Variants in PRAG1 observed in about 807,000 individuals in gnomAD.
PRAG1 encodes the protein PEAK1 related, kinase-activating pseudokinase 1, also known as inactive tyrosine-protein kinase PRAG1.
A neutral mutation model predicts 95.6 loss-of-function variants in PRAG1; 110 were observed. The ratio of observed to expected loss-of-function variants is 1.15; its 90% CI spans 0.99 to 1.35. The LOEUF is 1.35. PRAG1 is among the 40% of genes most tolerant of loss of function. PRAG1 has a pLI of 0.00. For synonymous variants in PRAG1, 1,052 were observed against 819.4 expected (o/e 1.28, Z -4.85); for missense variants, 2,554 against 1,864.7 (o/e 1.37, Z -6.81).
At chr8:8,381,928 G>A (rs1313557754) in intron 1 of PRAG1, 94 bp from the exon 2 acceptor site, 2 of 551,780 alleles carry the variant, frequency 3.6e-6, no homozygotes, top group Non-Finnish European at 6.3e-6. Flanking sequence ...TCAGGGAGAA[G>A]GAGGAGAAAA....
At chr8:8,335,564 C>G (rs1031702070) in intron 4 of PRAG1, among the ~76,000 whole-genome samples, 1 of 152,010 alleles carries the variant, frequency 6.6e-6, no homozygotes, top group Non-Finnish European at 1.5e-5. Context: ...AAAGTATTGA[C>G]TTTATTGGAA....
intron 2 of PRAG1, 77 bp downstream of exon 2, chr8:8,381,341 C>A: frequency 6.9e-7 from 1 of 1,454,544 alleles, no homozygotes; most frequent in African/African-American, 1.4e-5. Context: ...ACAGCCCTCC[C>A]TGGCTGCCAG....
At chr8:8,339,759 A>C in intron 3 of PRAG1, 124 bp from the exon 4 acceptor site, 1 of 401,154 alleles carries the variant, frequency 2.5e-6, no homozygotes, top group Non-Finnish European at 3.7e-6. Context: ...TTATTAAAAG[A>C]AAAAAAAAAG....
At chr8:8,351,331 G>A (rs2116867614) in intron 3 of PRAG1, among the ~76,000 whole-genome samples, 1 of 152,232 alleles carries the variant, frequency 6.6e-6, no homozygotes, top group Middle Eastern at 3.4e-3. Flanking sequence ...CGCTCCCATG[G>A]TCGAATCACC....
At chr8:8,360,318 TATTTTCATATC>T (rs1585257126) in intron 3 of PRAG1, among the ~76,000 whole-genome samples, 1 of 152,188 alleles carries the variant, frequency 6.6e-6, no homozygotes, top group East Asian at 1.9e-4. Flanking sequence ...TTCTTCTCTT[TATTTTCATATC>T]CACAGCCCCT....
chr8:8,377,424 A>T lies in PRAG1; in HGVS notation c.985T>A (p.Ser329Thr), dbSNP rs747851996. The T allele has an allele frequency of 3.0e-5, 47 of 1,564,744 alleles. No homozygotes were observed. Among genetic ancestry groups the T allele is most frequent in the Non-Finnish European group, 3.9e-5 (45 of 1,156,524 alleles). The change falls in exon 3 of 6, where the codon TCC becomes ACC. Residue 329 changes from serine (S) to threonine (T), a missense_variant. By Grantham distance (58) the Ser-to-Thr change is moderately conservative. Transcript: ENST00000615670. ...GAAATGGCAGCCTCCGAGGTGAGGG[A>T]CAGTTTCTTGGGGCCCAGGCAGGAT... ...HPSCLGPKKL[S>T]LTSEAAISSD... is the part of the protein sequence containing the mutation.
Position 8,381,532 on chromosome 8 carries a change from T to A in PRAG1, c.216A>T (p.Glu72Asp), listed in dbSNP as rs371712560. 1.9e-6 allele frequency: 3 copies of A among 1,614,170 alleles called. No homozygotes were observed. The highest frequency in any genetic ancestry group is 2.5e-6 in the Non-Finnish European group (3 of 1,180,018). ...PRPENCRLED[E>D]GVNSSPYSKP... ...TGGAGTAAGGTGAGCTGTTCACACCTTCATCTTCCAGGCGGCAGTTCTCAG... is the reference window on the plus strand; with the variant it reads ...TGGAGTAAGGTGAGCTGTTCACACCATCATCTTCCAGGCGGCAGTTCTCAG... The change falls in exon 2 of 6, where the codon GAA (glutamate) becomes GAT (aspartate). Residue 72 changes from glutamate to aspartate, a missense_variant. Glu to Asp is a conservative substitution (Grantham distance 45). Coordinates refer to ENST00000615670, the MANE Select transcript of PRAG1 (RefSeq NM_001080826.3).
intron 5 of PRAG1, among the ~76,000 whole-genome samples, chr8:8,324,002 G>A (rs867757): frequency 6.6e-4 from 100 of 152,236 alleles, no homozygotes; most frequent in Admixed American, 1.6e-3. Flanking sequence ...GAATGACAGG[G>A]GCAGGGATAG....
rs779959546 is a variant in PRAG1, at chr8:8,318,663, G to A, written c.3712C>T (p.Arg1238Trp). ...PNLQQKKSQA[R>W]LAPEIVSASQ... Reference sequence around the variant, plus strand: ...GCAGACACGATCTCGGGGGCCAGCCGGGCCTGGCTCTTCTTCTGCTGCAGG... The same window carrying A: ...GCAGACACGATCTCGGGGGCCAGCCAGGCCTGGCTCTTCTTCTGCTGCAGG... The change falls in exon 6 of 6, where the codon CGG (arginine) becomes TGG (tryptophan). Residue 1238 changes from arginine to tryptophan, a missense_variant. Physicochemically the swap from Arg to Trp is moderately radical, Grantham distance 101. Coordinates refer to ENST00000615670, the MANE Select transcript of PRAG1 (RefSeq NM_001080826.3). The surrounding 1 kb of genome is among the most constrained non-coding windows in gnomAD (Gnocchi z 4.2). 1 of 1,611,582 alleles carries A rather than the reference G, an allele frequency of 6.2e-7. No individual in the cohort carries two copies. Among genetic ancestry groups the A allele is most frequent in the Non-Finnish European group, 8.5e-7 (1 of 1,179,782 alleles).
At chr8:8,362,317 C>T (rs1183499956) in intron 3 of PRAG1, among the ~76,000 whole-genome samples, 1 of 152,334 alleles carries the variant, frequency 6.6e-6, no homozygotes, top group South Asian at 2.1e-4. Context: ...TGGCTTGAGA[C>T]CATTCACACA....
intron 3 of PRAG1, among the ~76,000 whole-genome samples, chr8:8,361,366 C>CA (rs1339586190): frequency 1.7e-4 from 26 of 152,268 alleles, no homozygotes; most frequent in Non-Finnish European, 5.9e-5. Context: ...GAGGAAATAA[C>CA]ATGGAAGGGC....
chr8:8,376,784 G>A lies in PRAG1; in HGVS notation c.1625C>T (p.Pro542Leu). The change falls in exon 3 of 6, where the codon CCC becomes CTC. Residue 542 changes from proline (P) to leucine (L), a missense_variant. Transcript: ENST00000615670. ...SASESKPKER[P>L]AIPPKLSKSS... Reference sequence around the variant, plus strand: ...CTTGGACAACTTGGGGGGAATGGCGGGCCTCTCCTTGGGCTTGCTCTCGCT... The same window carrying A: ...CTTGGACAACTTGGGGGGAATGGCGAGCCTCTCCTTGGGCTTGCTCTCGCT... The A allele has an allele frequency of 6.2e-7, 1 of 1,611,052 alleles. No individual in the cohort carries two copies. Among genetic ancestry groups the A allele is most frequent in the Non-Finnish European group, 8.5e-7 (1 of 1,179,896 alleles).
At chr8:8,384,193 C>T (rs1369855685) in intron 1 of PRAG1, among the ~76,000 whole-genome samples, 1 of 152,078 alleles carries the variant, frequency 6.6e-6, no homozygotes, top group Non-Finnish European at 1.5e-5. Context: ...TTCTGCTTGG[C>T]GACTTATTGC....
chr8:8,324,134 TC>T (rs1266275357), intron 5 of PRAG1, among the ~76,000 whole-genome samples: 1 of 152,186 alleles, frequency 6.6e-6, no homozygotes, highest in East Asian at 1.9e-4. Flanking sequence ...TCTTGCCATC[TC>T]GGCTGTAGCC....
intron 3 of PRAG1, among the ~76,000 whole-genome samples, chr8:8,354,199 C>T (rs939556375): frequency 6.6e-6 from 1 of 151,936 alleles, no homozygotes; most frequent in Admixed American, 6.6e-5. Flanking sequence ...TGGATAAATT[C>T]CTAGATTCAA....
rs1464092344 is a variant in PRAG1 at position 8,319,151 on chromosome 8, G to T, written c.3224C>A (p.Ala1075Asp). 1 of 1,605,570 alleles carries T rather than the reference G, an allele frequency of 6.2e-7. No homozygotes were observed. The change falls in exon 6 of 6, where the codon GCC (alanine) becomes GAC (aspartate). Residue 1075 changes from alanine (A) to aspartate (D), a missense_variant. Ala to Asp is a moderately radical substitution (Grantham distance 126). Coordinates refer to ENST00000615670, the MANE Select transcript of PRAG1 (RefSeq NM_001080826.3). ...CTGGGCAGGGGGGTGTGTGGGCAGG[G>T]CAGGCACAGGGTCCTTGGGCGCGTC... ...SPDAPKDPVPALPTHPPAQEQ... is the reference protein window; with the variant it reads ...SPDAPKDPVPDLPTHPPAQEQ...
intron 3 of PRAG1, among the ~76,000 whole-genome samples, chr8:8,360,967 G>A (rs1481389508): frequency 6.6e-6 from 1 of 152,154 alleles, no homozygotes; most frequent in South Asian, 2.1e-4. Context: ...TGCCATAGCG[G>A]CTCTGTGGAT....
At chr8:8,368,329 G>C (rs112341674) in intron 3 of PRAG1, among the ~76,000 whole-genome samples, 22 of 152,312 alleles carry the variant, frequency 1.4e-4, no homozygotes, top group African/African-American at 5.1e-4. Context: ...TCAGACTGAA[G>C]CTAATTAAAG....
At chr8:8,327,576 A>G in intron 5 of PRAG1, 134 bp downstream of exon 5, 1 of 1,048,116 alleles carries the variant, frequency 9.5e-7, no homozygotes, top group Non-Finnish European at 1.3e-6. Flanking sequence ...ATCTTACAAG[A>G]AAAAAAAGAA....
Sources: gnomAD v4.1 joint callset for allele counts (sites outside exome capture counted in the v4.1 genomes callset) on GRCh38, gnomAD v4.1.1 for gene constraint, Gnocchi (gnomAD v3.1) non-coding constraint, MANE v1.5 for transcripts, NCBI Gene and HGNC (gene_info 2026-07-23, HGNC 2026-07-21) for gene names.